The following TM7SF2 variants were observed in gnomAD, a reference collection of about 807,000 sequenced individuals.
TM7SF2 encodes delta(14)-sterol reductase TM7SF2.
Under a neutral mutation model 51.0 loss-of-function variants are expected in TM7SF2, and 51 were observed. The ratio of observed to expected loss-of-function variants is 1.00; its 90% CI spans 0.80 to 1.26. The LOEUF (loss-of-function observed/expected upper bound fraction) is 1.26, where lower values mean the gene tolerates loss of function less well. Ranked by LOEUF, TM7SF2 falls within the 50% of genes most tolerant of loss-of-function variation. TM7SF2 has a pLI of 0.00. For synonymous variants in TM7SF2, 255 were observed against 241.0 expected (o/e 1.06, Z -0.54); for missense variants, 541 against 547.4 (o/e 0.99, Z 0.12).
chr11:65,112,893 G>A (rs779967961), intron 3 of TM7SF2, 28 bp downstream of exon 3: 49 of 1,549,706 alleles, frequency 3.2e-5, no homozygotes, highest in Non-Finnish European at 2.2e-5. Flanking sequence ...CCTCGCGCTG[G>A]AGTTAAGCGG....
Position 65,111,896 on chromosome 11 carries a change from T to A in TM7SF2, c.-120T>A. On this transcript the variant is annotated 5_prime_UTR_variant, in exon 1 of 10. Coordinates refer to ENST00000279263, the MANE Select transcript of TM7SF2 (RefSeq NM_003273.6). ...TGTCTGCGTTCCGTGTCCAGGCAGGTGCAGGCGCCGCGGGGCCGGATCCTC... is the reference window on the plus strand; with the variant it reads ...TGTCTGCGTTCCGTGTCCAGGCAGGAGCAGGCGCCGCGGGGCCGGATCCTC... The A allele has an allele frequency of 8.4e-7, 1 of 1,189,332 alleles. No homozygotes were observed. Among genetic ancestry groups the A allele is most frequent in the South Asian group, 1.3e-5 (1 of 76,212 alleles). The allele number at this position is 1,189,332 out of a possible 1,614,324, so 73.7% of individuals were successfully genotyped here. A position where few individuals can be genotyped will look rare whatever the true frequency, so the allele number is the denominator to read the frequency against.
In TM7SF2 at chr11:65,112,867, T is replaced by C; in HGVS notation, c.304+2T>C. ...GTCGCCTGCGCTATCCTATTAACGG[T>C]GCCTAGGGGACGGGCCCTCGCGCTG... On this transcript the variant is annotated splice_donor_variant, in intron 3 of 9. Coordinates refer to ENST00000279263, the MANE Select transcript of TM7SF2 (RefSeq NM_003273.6). LOFTEE classifies it high-confidence loss of function. 1 of 1,546,120 alleles carries C rather than the reference T, an allele frequency of 6.5e-7. No individual in the cohort carries two copies. Among genetic ancestry groups the C allele is most frequent in the Non-Finnish European group, 8.7e-7 (1 of 1,145,116 alleles).
Position 65,111,910 on chromosome 11 carries a change from G to T in TM7SF2, c.-106G>T. On this transcript the variant is annotated 5_prime_UTR_variant, in exon 1 of 10. Transcript: ENST00000279263. Reference sequence around the variant, plus strand: ...GTCCAGGCAGGTGCAGGCGCCGCGGGGCCGGATCCTCCGCGCGGCCGAGTC... The same window carrying T: ...GTCCAGGCAGGTGCAGGCGCCGCGGTGCCGGATCCTCCGCGCGGCCGAGTC... 7.7e-7 allele frequency: 1 copy of T among 1,298,134 alleles called. No individual in the cohort carries two copies. The highest frequency in any genetic ancestry group is 1.1e-6 in the Non-Finnish European group (1 of 919,472). The allele number at this position is 1,298,134 out of a possible 1,614,324, so 80.4% of individuals were successfully genotyped here. A position where few individuals can be genotyped will look rare whatever the true frequency, so the allele number is the denominator to read the frequency against.
At position 65,114,954 on chromosome 11, in the gene TM7SF2, T is replaced by TG. The variant is rs1372740946; in HGVS notation, c.767dup (p.Phe257LeufsTer64). 1 of 1,614,252 alleles carries TG rather than the reference T, an allele frequency of 6.2e-7. No homozygotes were observed. Among genetic ancestry groups the TG allele is most frequent in the East Asian group, 2.2e-5 (1 of 44,890 alleles). Reference sequence around the variant, plus strand: ...CCATGGATATCACACATGACGGGTTTGGCTTCATGCTGGCGTTTGGGGACA... The same window carrying TG: ...CCATGGATATCACACATGACGGGTTTGGGCTTCATGCTGGCGTTTGGGGACA... On this transcript the variant is annotated frameshift_variant, in exon 7 of 10. Coordinates refer to ENST00000279263, the MANE Select transcript of TM7SF2 (RefSeq NM_003273.6). LOFTEE classifies it high-confidence loss of function.
At chr11:65,114,203 TAA>T (rs1947947400) in intron 5 of TM7SF2, among the ~76,000 whole-genome samples, 1 of 152,164 alleles carries the variant, frequency 6.6e-6, no homozygotes, top group African/African-American at 2.4e-5. Context: ...GTGATAAAAT[TAA>T]AGCTTTCTCC....
chr11:65,114,821 C>A lies in TM7SF2; in HGVS notation c.712C>A (p.Leu238Ile). The A allele has an allele frequency of 6.2e-7, 1 of 1,614,270 alleles. No homozygotes were observed. Among genetic ancestry groups the A allele is most frequent in the African/African-American group, 1.3e-5 (1 of 75,080 alleles). The change falls in exon 6 of 10, where the codon CTC becomes ATC. Residue 238 changes from leucine (L) to isoleucine (I), a missense_variant. Physicochemically the swap from Leu to Ile is conservative, Grantham distance 5. Transcript: ENST00000279263. ...GFQLLYVGDA[L>I]WHEEAVLTTM... ...CCAGTTGCTCTACGTGGGTGATGCC[C>A]TCTGGCACGAGGTGAGGCTGGACTG...
intron 9 of TM7SF2, 131 bp downstream of exon 9, chr11:65,115,729 T>C: frequency 6.4e-7 from 1 of 1,572,074 alleles, no homozygotes; most frequent in South Asian, 1.1e-5. Flanking sequence ...AGTGTGTGGC[T>C]GGGGCACACC....
chr11:65,114,910 C>T lies in TM7SF2; in HGVS notation c.724-3C>T. 9 of 1,614,184 alleles carry T rather than the reference C, an allele frequency of 5.6e-6. No individual in the cohort carries two copies. Among genetic ancestry groups the T allele is most frequent in the Non-Finnish European group, 7.6e-6 (9 of 1,179,986 alleles). ...CCAGTGTGTCTGGGTCTTGTCCCTGCAGGAGGCCGTCCTCACCACCATGGA... is the reference window on the plus strand; with the variant it reads ...CCAGTGTGTCTGGGTCTTGTCCCTGTAGGAGGCCGTCCTCACCACCATGGA... On this transcript the variant is annotated splice_region_variant and splice_polypyrimidine_tract_variant and intron_variant, in intron 6 of 9. Coordinates refer to ENST00000279263, the MANE Select transcript of TM7SF2 (RefSeq NM_003273.6).
chr11:65,116,080 C>A lies in TM7SF2; in HGVS notation c.*27C>A, dbSNP rs770988729. 11 of 1,592,132 alleles carry A rather than the reference C, an allele frequency of 6.9e-6. No individual in the cohort carries two copies. Among genetic ancestry groups the A allele is most frequent in the Non-Finnish European group, 9.4e-6 (11 of 1,172,376 alleles). The stretch of plus-strand genomic sequence containing the variant: ...GCGGCTCCACCACCCCAGGTGGGGG[C>A]ATGTGCCCACTCATCCACCAGCACA... On this transcript the variant is annotated 3_prime_UTR_variant, in exon 10 of 10. Transcript: ENST00000279263.
At chr11:65,115,216 G>C in intron 7 of TM7SF2, 98 bp from the exon 8 acceptor site, 1 of 1,593,988 alleles carries the variant, frequency 6.3e-7, no homozygotes, top group Non-Finnish European at 8.6e-7. Flanking sequence ...TGGGGGTCCA[G>C]GCAGAGTCTG....
Position 65,112,811 on chromosome 11 carries a change from G to A in TM7SF2, c.250G>A (p.Val84Met), listed in dbSNP as rs1384255212. The A allele has an allele frequency of 6.5e-7, 1 of 1,550,370 alleles. No homozygotes were observed. The highest frequency in any genetic ancestry group is 1.4e-5 in the African/African-American group (1 of 73,066). The change falls in exon 3 of 10, where the codon GTG becomes ATG. Residue 84 changes from valine (V) to methionine (M), a missense_variant and splice_region_variant. Transcript: ENST00000279263. ...AALYLLPARK[V>M]AEGQELKDKS... ...TATCAGAGCCCCCTTGGACCCGCAG[G>A]TGGCCGAGGGGCAGGAATTGAAGGA... is the stretch of plus-strand genomic sequence containing the variant.
Position 65,113,599 on chromosome 11 carries a change from G to A in TM7SF2, c.603+5G>A, listed in dbSNP as rs748572032. The stretch of plus-strand genomic sequence containing the variant: ...CGACCCGGCCTCATCGGCTGGGTAT[G>A]TTGGGCTTGACTGAGCTGGCCTCAG... On this transcript the variant is annotated splice_donor_5th_base_variant and intron_variant, in intron 5 of 9. Coordinates refer to ENST00000279263, the MANE Select transcript of TM7SF2 (RefSeq NM_003273.6). The A allele has an allele frequency of 5.6e-6, 9 of 1,612,506 alleles. No homozygotes were observed. The East Asian group carries it at 2.0e-4, about 36-fold the overall frequency.
At position 65,115,075 on chromosome 11, in the gene TM7SF2, A is replaced by C; in HGVS notation, c.886A>C (p.Ile296Leu). The change falls in exon 7 of 10, where the codon ATC becomes CTC. Residue 296 changes from isoleucine (I) to leucine (L), a missense_variant. Transcript: ENST00000279263. Reference protein sequence around the residue: ...GLPMASVICLINATGYYIFRG... With the variant: ...GLPMASVICLLNATGYYIFRG... ...GCCCATGGCCTCTGTCATCTGCCTC[A>C]TCAATGGTCAGTCAGGAAGGGGCAG... 6.2e-7 allele frequency: 1 copy of C among 1,613,396 alleles called. No individual in the cohort carries two copies. The highest frequency in any genetic ancestry group is 8.5e-7 in the Non-Finnish European group (1 of 1,179,700).
chr11:65,113,634 A>C, intron 5 of TM7SF2, 40 bp downstream of exon 5: 3 of 1,118,078 alleles, frequency 2.7e-6, no homozygotes, highest in Non-Finnish European at 3.9e-6. Flanking sequence ...GGCCAGGGGG[A>C]GGGTTAGGGT....
At position 65,115,936 on chromosome 11, in the gene TM7SF2, C is replaced by G; in HGVS notation, c.1140C>G (p.Thr380=). ...CCTACTTCTACCTCCTCTACTTCAC[C>G]GCGCTGCTGGTGCACCGTGAGGCCC... is the stretch of plus-strand genomic sequence containing the variant. ...LLPYFYLLYF[T]ALLVHREARD... Residue 380 remains threonine (T), a synonymous_variant, in exon 10 of 10, where the codon ACC becomes ACG. Coordinates refer to ENST00000279263, the MANE Select transcript of TM7SF2 (RefSeq NM_003273.6). 1.2e-6 allele frequency: 2 copies of G among 1,614,026 alleles called. No individual in the cohort carries two copies. Among genetic ancestry groups the G allele is most frequent in the Non-Finnish European group, 1.7e-6 (2 of 1,180,014 alleles).
chr11:65,115,179 G>A lies in TM7SF2; in HGVS notation c.892+98G>A, dbSNP rs1947961440. On this transcript the variant is annotated intron_variant, in intron 7 of 9. Transcript: ENST00000279263. ...ACCACCACATAGGTGCTAACCCCCAGGGTTCTCTAAAGCCAGGGCAGGGTC... is the reference window on the plus strand; with the variant it reads ...ACCACCACATAGGTGCTAACCCCCAAGGTTCTCTAAAGCCAGGGCAGGGTC... 3.1e-6 allele frequency: 5 copies of A among 1,595,970 alleles called. No homozygotes were observed. The South Asian group carries it at 3.3e-5, about 11-fold the overall frequency.
intron 2 of TM7SF2, 36 bp downstream of exon 2, chr11:65,112,747 AG>A: frequency 6.5e-7 from 1 of 1,549,176 alleles, no homozygotes; most frequent in Non-Finnish European, 8.7e-7. Context: ...GGGGGAGGGA[AG>A]CGAATGGGCT....
Position 65,115,484 on chromosome 11 carries a change from A to T in TM7SF2, c.982A>T (p.Thr328Ser), listed in dbSNP as rs1565325260. Residue 328 changes from threonine to serine, a missense_variant, in exon 9 of 10, where the codon ACC (threonine) becomes TCC (serine). Coordinates refer to ENST00000279263, the MANE Select transcript of TM7SF2 (RefSeq NM_003273.6). ...PSDPRVAGLE[T>S]ISTATGRKLL... ...CTGCTGTCTTTCCCCAGGGCTTGAG[A>T]CCATCTCTACAGCCACAGGGCGGAA... 6.2e-6 allele frequency: 10 copies of T among 1,613,880 alleles called. No individual in the cohort carries two copies. Among genetic ancestry groups the T allele is most frequent in the Non-Finnish European group, 8.5e-6 (10 of 1,179,956 alleles).
In TM7SF2 at chr11:65,113,581, G is replaced by A; in HGVS notation, c.590G>A (p.Gly197Asp). Residue 197 changes from glycine (G) to aspartate (D), a missense_variant, in exon 5 of 10, where the codon GGC (glycine) becomes GAC (aspartate). Gly to Asp is a moderately conservative substitution (Grantham distance 94). Transcript: ENST00000279263. ...AAATATTTCTGTGAACTGCGACCCG[G>A]CCTCATCGGCTGGGTATGTTGGGCT... ...DFKYFCELRPGLIGWVLINLA... is the reference protein window; with the variant it reads ...DFKYFCELRPDLIGWVLINLA... 1 of 1,613,978 alleles carries A rather than the reference G, an allele frequency of 6.2e-7. No individual in the cohort carries two copies. The highest frequency in any genetic ancestry group is 1.1e-5 in the South Asian group (1 of 91,080).
Sources: allele counts gnomAD v4.1 joint callset (sites outside exome capture counted in the v4.1 genomes callset), GRCh38; gene constraint gnomAD v4.1.1; transcripts MANE v1.5; gene names NCBI Gene and HGNC (gene_info 2026-07-23, HGNC 2026-07-21).